The following CGNL1 variants were observed in gnomAD, a reference collection of about 807,000 sequenced individuals.
CGNL1 encodes the protein cingulin-like protein 1.
A neutral mutation model predicts 141.2 loss-of-function variants in CGNL1; 132 were observed. The ratio of observed to expected loss-of-function variants is 0.93; its 90% CI spans 0.81 to 1.08. The LOEUF (loss-of-function observed/expected upper bound fraction) is 1.08, where lower values mean the gene tolerates loss of function less well. Ranked by LOEUF, CGNL1 falls within the 50% of genes least tolerant of loss-of-function variation. CGNL1 has a pLI of 0.00. For missense variants in CGNL1, 1,870 were observed against 1,588.6 expected, an observed-to-expected ratio of 1.18 and a Z score of -3.01; for synonymous variants, 690 against 622.1, an observed-to-expected ratio of 1.11 and a Z score of -1.63.
rs370453205 is a variant in CGNL1, at chr15:57,548,954, C to G, written c.*1464C>G. 1 of 152,010 alleles carries G rather than the reference C, an allele frequency of 6.6e-6. No individual in the cohort carries two copies. The highest frequency in any genetic ancestry group is 1.5e-5 in the Non-Finnish European group (1 of 68,150). The allele number at this position is 152,010 out of a possible 1,614,324, so 9.4% of individuals were successfully genotyped here. A position where few individuals can be genotyped will look rare whatever the true frequency, so the allele number is the denominator to read the frequency against. ...ATTGAGCAGGATCTCAGGGTTATGT[C>G]GAGGAAGGGAAGAAAGAAACAGAAG... On this transcript the variant is annotated 3_prime_UTR_variant, in exon 19 of 19. Transcript: ENST00000281282.
chr15:57,469,572 T>G (rs1040669178), intron 8 of CGNL1, among the ~76,000 whole-genome samples: 1 of 152,082 alleles, frequency 6.6e-6, no homozygotes, highest in Non-Finnish European at 1.5e-5. Context: ...AGGCTATTTT[T>G]GCATTAGACA....
rs781046551 is a variant in CGNL1, at chr15:57,451,584, C to T, written c.1888C>T (p.Leu630Phe). The stretch of plus-strand genomic sequence containing the variant: ...AGAAGTGGCTGAACTTCAGAGACAG[C>T]TTCAACTGGAAGTCAAGGTATCTGG... ...TIEVAELQRQLQLEVKNQQNI... is the reference protein window; with the variant it reads ...TIEVAELQRQFQLEVKNQQNI... The change falls in exon 5 of 19, where the codon CTT becomes TTT. Residue 630 changes from leucine (L) to phenylalanine (F), a missense_variant. Leu to Phe is a conservative substitution (Grantham distance 22, BLOSUM62 0). Coordinates refer to ENST00000281282, the MANE Select transcript of CGNL1 (RefSeq NM_032866.5). 2 of 1,608,220 alleles carry T rather than the reference C, an allele frequency of 1.2e-6. No homozygotes were observed. Among genetic ancestry groups the T allele is most frequent in the Non-Finnish European group, 8.5e-7 (1 of 1,176,100 alleles).
At chr15:57,442,760 A>T (rs1330608089) in intron 4 of CGNL1, among the ~76,000 whole-genome samples, 9 of 152,080 alleles carry the variant, frequency 5.9e-5, no homozygotes, top group Non-Finnish European at 1.3e-4. Context: ...CTGGAACTAC[A>T]GGCATGTGCC....
chr15:57,460,745 TC>T (rs559362022), intron 7 of CGNL1, among the ~76,000 whole-genome samples: 2 of 151,808 alleles, frequency 1.3e-5, no homozygotes, highest in Non-Finnish European at 2.9e-5. Context: ...TCCCACAGTG[TC>T]CCCCCCTTGA....
At chr15:57,512,619 G>A (rs1343774977) in intron 8 of CGNL1, among the ~76,000 whole-genome samples, 8 of 152,232 alleles carry the variant, frequency 5.3e-5, no homozygotes, top group African/African-American at 1.9e-4. Flanking sequence ...CATAAGCTGA[G>A]TGAAGAACTT....
At chr15:57,454,108 A>G (rs552251098) in intron 7 of CGNL1, among the ~76,000 whole-genome samples, 29 of 152,294 alleles carry the variant, frequency 1.9e-4, no homozygotes, top group African/African-American at 5.1e-4. Context: ...TTCAATATGT[A>G]CATTTTTGGG....
chr15:57,505,428 G>A (rs2064088356), intron 8 of CGNL1, among the ~76,000 whole-genome samples: 1 of 152,144 alleles, frequency 6.6e-6, no homozygotes, highest in African/African-American at 2.4e-5. Flanking sequence ...TTTCTATTCT[G>A]GCCCCATTCC....
At chr15:57,499,844 T>C (rs1382255678) in intron 8 of CGNL1, among the ~76,000 whole-genome samples, 3 of 152,210 alleles carry the variant, frequency 2.0e-5, no homozygotes, top group South Asian at 2.1e-4. Context: ...AGGGTTTGAA[T>C]TGAAGCCTTG....
intron 8 of CGNL1, chr15:57,477,429 A>C (rs955095560): frequency 2.0e-5 from 3 of 152,208 alleles, no homozygotes; most frequent in Non-Finnish European, 4.4e-5. Context: ...GCAAGAACCA[A>C]GGCATTAGTA....
chr15:57,501,114 T>C (rs1481838160), intron 8 of CGNL1, among the ~76,000 whole-genome samples: 2 of 152,142 alleles, frequency 1.3e-5, no homozygotes, highest in African/African-American at 2.4e-5. Context: ...TGGATCGTGA[T>C]TGTGCTATGT....
Position 57,523,660 on chromosome 15 carries a change from A to T in CGNL1, c.2868+19A>T. 1 of 1,613,064 alleles carries T rather than the reference A, an allele frequency of 6.2e-7. No homozygotes were observed. Among genetic ancestry groups the T allele is most frequent in the African/African-American group, 1.3e-5 (1 of 75,022 alleles). ...GAAGGAGGTGAGGGGCTGGAGGAGG[A>T]AAGAGGAAGTAGGGCCAGATGTCTT... On this transcript the variant is annotated intron_variant, in intron 11 of 18. Coordinates refer to ENST00000281282, the MANE Select transcript of CGNL1 (RefSeq NM_032866.5).
In CGNL1 at chr15:57,439,013, G is replaced by A. The variant is rs770313535; in HGVS notation, c.1014G>A (p.Leu338=). Residue 338 remains leucine, a synonymous_variant, in exon 2 of 19, where the codon CTG becomes CTA. Coordinates refer to ENST00000281282, the MANE Select transcript of CGNL1 (RefSeq NM_032866.5). ...AAAACAGAAGGTATATTCCCTTCCTGCCAGGAACTGGACGGGATATTGATA... is the reference window on the plus strand; with the variant it reads ...AAAACAGAAGGTATATTCCCTTCCTACCAGGAACTGGACGGGATATTGATA... ...RHENRRYIPF[L]PGTGRDIDTG... 1 of 1,614,222 alleles carries A rather than the reference G, an allele frequency of 6.2e-7. No individual in the cohort carries two copies.
chr15:57,462,660 T>C (rs1162611250), intron 8 of CGNL1, among the ~76,000 whole-genome samples: 1 of 152,224 alleles, frequency 6.6e-6, no homozygotes, highest in Non-Finnish European at 1.5e-5. Context: ...TATTCTGTGA[T>C]GATTACAGTG....
chr15:57,537,433 TTTC>T (rs1444174035), intron 14 of CGNL1, among the ~76,000 whole-genome samples: 10 of 151,980 alleles, frequency 6.6e-5, no homozygotes, highest in South Asian at 2.1e-4. Context: ...AGAGGGGGGT[TTTC>T]TTCTTCTTTT....
At chr15:57,462,386 C>G (rs1346630659) in intron 8 of CGNL1, among the ~76,000 whole-genome samples, 3 of 152,170 alleles carry the variant, frequency 2.0e-5, no homozygotes, top group Non-Finnish European at 4.4e-5. Flanking sequence ...GGTTAATTGG[C>G]TGAATTGCCG....
chr15:57,439,449 G>C lies in CGNL1; in HGVS notation c.1450G>C (p.Ala484Pro), dbSNP rs1273203778. The part of the protein sequence containing the change: ...EGSQESTVIR[A>P]PSLGAQSKKE... Reference sequence around the variant, plus strand: ...TAGTCAGGAAAGTACAGTGATCCGTGCGCCCTCCCTTGGTGCACAGAGTAA... The same window carrying C: ...TAGTCAGGAAAGTACAGTGATCCGTCCGCCCTCCCTTGGTGCACAGAGTAA... The change falls in exon 2 of 19, where the codon GCG becomes CCG. Residue 484 changes from alanine (A) to proline (P), a missense_variant. Transcript: ENST00000281282. 1 of 1,614,088 alleles carries C rather than the reference G, an allele frequency of 6.2e-7. No homozygotes were observed. The highest frequency in any genetic ancestry group is 1.7e-5 in the Admixed American group (1 of 60,006).
At chr15:57,511,797 G>A (rs1241818688) in intron 8 of CGNL1, among the ~76,000 whole-genome samples, 2 of 152,166 alleles carry the variant, frequency 1.3e-5, no homozygotes, top group Non-Finnish European at 2.9e-5. Flanking sequence ...CAGAGGAATC[G>A]ACTACCTGTA....
intron 14 of CGNL1, among the ~76,000 whole-genome samples, chr15:57,541,767 T>C (rs1257687778): frequency 6.6e-6 from 1 of 152,256 alleles, no homozygotes; most frequent in Non-Finnish European, 1.5e-5. Context: ...TCTCTAGCCC[T>C]GCTCCTGAGG....
At chr15:57,436,260 G>A (rs898065364) in intron 1 of CGNL1, among the ~76,000 whole-genome samples, 1 of 152,116 alleles carries the variant, frequency 6.6e-6, no homozygotes, top group African/African-American at 2.4e-5. Flanking sequence ...TTGCGGCTGG[G>A]GGTGGCCATA....
Sources: allele counts gnomAD v4.1 joint callset (sites outside exome capture counted in the v4.1 genomes callset), GRCh38; gene constraint gnomAD v4.1.1; transcripts MANE v1.5; gene names NCBI Gene and HGNC (gene_info 2026-07-23, HGNC 2026-07-21).